The following ZNF469 variants were observed in gnomAD, a reference collection of about 807,000 sequenced individuals.
ZNF469 encodes zinc finger protein 469.
In ZNF469, 1 loss-of-function variant was observed where a neutral mutation model predicts 1.0. The observed-to-expected ratio is 1.00, with a 90% CI of 0.35 to 4.73. The LOEUF (loss-of-function observed/expected upper bound fraction) is 4.73. Among genes scored for constraint, ZNF469 ranks in the 30% most tolerant of loss-of-function variants. ZNF469 has a pLI of 0.16. For synonymous variants in ZNF469, 2,703 were observed against 2,363.4 expected (o/e 1.14, Z -4.17); for missense variants, 6,100 against 5,356.3 (o/e 1.14, Z -4.33).
chr16:88,401,933 TAGATA>T (rs1904888035), intron 1 of ZNF469, among the ~76,000 whole-genome samples: 1 of 22,590 alleles, frequency 4.4e-5, no homozygotes, highest in Non-Finnish European at 1.1e-4. Context: ...GATGGATGGA[TAGATA>T]CGTGGGTGGA....
the ZNF469 span, among the ~76,000 whole-genome samples, chr16:88,263,676 A>C: frequency 2.6e-5 from 4 of 152,242 alleles, no homozygotes; most frequent in Admixed American, 6.5e-5. Flanking sequence ...CGGGGGGTCC[A>C]GAGTCGCCAG....
At chr16:88,115,936 CG>C in the ZNF469 span, among the ~76,000 whole-genome samples, 4 of 152,200 alleles carry the variant, frequency 2.6e-5, no homozygotes, top group Non-Finnish European at 5.9e-5. Flanking sequence ...AACCCTGCCC[CG>C]CCCATCTCCC....
chr16:88,320,246 C>T, the ZNF469 span, among the ~76,000 whole-genome samples: 8 of 152,250 alleles, frequency 5.3e-5, no homozygotes, highest in African/African-American at 1.7e-4. Flanking sequence ...TAAATGTCAT[C>T]TTCAGAATGT....
At chr16:88,316,426 G>C in the ZNF469 span, among the ~76,000 whole-genome samples, 563 of 152,202 alleles carry the variant, frequency 3.7e-3, 4 homozygotes, top group African/African-American at 0.013. Context: ...CACTCCTTCC[G>C]GGGTTTTCAT....
chr16:88,244,248 G>A, the ZNF469 span, among the ~76,000 whole-genome samples: 1 of 149,906 alleles, frequency 6.7e-6, no homozygotes, highest in African/African-American at 2.5e-5. Context: ...GGTTTGGGAG[G>A]GTGAATGCAT....
chr16:88,366,571 A>G, the ZNF469 span, among the ~76,000 whole-genome samples: 8 of 47,110 alleles, frequency 1.7e-4, no homozygotes, highest in Admixed American at 2.0e-3. Flanking sequence ...TATCACCTCC[A>G]TCATCACCTT....
chr16:88,209,633 C>G, the ZNF469 span, among the ~76,000 whole-genome samples: 1 of 152,136 alleles, frequency 6.6e-6, no homozygotes, highest in Non-Finnish European at 1.5e-5. Flanking sequence ...TTTTATTTCC[C>G]CTTTCTTTTA....
intron 1 of ZNF469, among the ~76,000 whole-genome samples, chr16:88,394,753 G>T (rs1476166195): frequency 6.6e-6 from 1 of 152,206 alleles, no homozygotes; most frequent in East Asian, 1.9e-4. Context: ...GGGAACAGGG[G>T]GCTCAGGGCC....
At chr16:88,372,792 C>A in the ZNF469 span, among the ~76,000 whole-genome samples, 4 of 151,144 alleles carry the variant, frequency 2.6e-5, no homozygotes, top group Non-Finnish European at 5.9e-5. Flanking sequence ...ACCATCATCA[C>A]CATCACCACC....
rs777429612 is a variant in ZNF469, at chr16:88,438,326, T to C, written c.10856T>C (p.Val3619Ala). 9.7e-6 allele frequency: 15 copies of C among 1,550,092 alleles called. 1 individual carries two copies. In the South Asian group the frequency reaches 1.8e-4, roughly 18 times the overall value. ...GCGGAGGGAAAGAGGGCTCCTCTCG[T>C]GTTCTCAGGGAAACGCAGGGCCCCG... ...QDAEGKRAPL[V>A]FSGKRRAPGA... is the part of the protein sequence containing the mutation. The change falls in exon 3 of 3, where the codon GTG becomes GCG. Residue 3619 changes from valine to alanine, a missense_variant. By Grantham distance (64) the Val-to-Ala change is moderately conservative. Coordinates refer to ENST00000565624, the MANE Select transcript of ZNF469 (RefSeq NM_001367624.2).
chr16:88,388,404 G>T lies in ZNF469; in HGVS notation c.-192+5150G>T, dbSNP rs150045987. 5.7e-3 allele frequency among the ~76,000 whole-genome samples: 876 copies of T among 152,376 alleles called. 6 individuals are homozygous for T. Among genetic ancestry groups the T allele is most frequent in the Admixed American group, 8.4e-3 (128 of 15,314 alleles). On this transcript the variant is annotated intron_variant, in intron 1 of 2. Transcript: ENST00000565624. ...AGCAGCCATTGAGGCTTTCCTACCG[G>T]CCGGGCACGGCAGCCGCCTGCAGAA...
At chr16:88,213,050 G>A in the ZNF469 span, among the ~76,000 whole-genome samples, 5 of 151,986 alleles carry the variant, frequency 3.3e-5, no homozygotes, top group Non-Finnish European at 5.9e-5. Flanking sequence ...TGTTGATACT[G>A]GGGGTGGTAA....
the ZNF469 span, among the ~76,000 whole-genome samples, chr16:88,242,584 G>T: frequency 6.6e-6 from 1 of 152,244 alleles, no homozygotes; most frequent in Non-Finnish European, 1.5e-5. Context: ...GGCCCTGGGG[G>T]TTAGGACTTC....
At position 88,436,051 on chromosome 16, in the gene ZNF469, C is replaced by T; in HGVS notation, c.8581C>T (p.Gln2861Ter). ...SLFDDEVSFS[Q>*]LFPPGGRLTR... ...GTTTGATGATGAGGTCTCTTTCTCCCAGCTCTTCCCTCCAGGCGGTCGCTT... is the reference window on the plus strand; with the variant it reads ...GTTTGATGATGAGGTCTCTTTCTCCTAGCTCTTCCCTCCAGGCGGTCGCTT... Residue 2861 changes from glutamine (Q) to a stop codon, truncating the protein, a stop_gained, in exon 3 of 3, where the codon CAG becomes TAG. Coordinates refer to ENST00000565624, the MANE Select transcript of ZNF469 (RefSeq NM_001367624.2). LOFTEE classifies it low-confidence loss of function (END_TRUNC). 6.5e-7 allele frequency: 1 copy of T among 1,550,284 alleles called. No homozygotes were observed. Among genetic ancestry groups the T allele is most frequent in the Non-Finnish European group, 8.7e-7 (1 of 1,146,988 alleles).
chr16:88,382,881 G>T (rs2092528726), upstream of ZNF469, among the ~76,000 whole-genome samples: 1 of 151,512 alleles, frequency 6.6e-6, no homozygotes, highest in Non-Finnish European at 1.5e-5. Context: ...CCTAGGAAAA[G>T]CGGCGCTAAA....
Position 88,429,337 on chromosome 16 carries a change from A to T in ZNF469, c.1867A>T (p.Ser623Cys). Residue 623 changes from serine to cysteine, a missense_variant, in exon 3 of 3, where the codon AGC becomes TGC. Coordinates refer to ENST00000565624, the MANE Select transcript of ZNF469 (RefSeq NM_001367624.2). Reference sequence around the variant, plus strand: ...CCCAGCCAACCCCAGCTCAGAGGAAAGCCAGCTCCCCGGCCCCCTCGGGCC... The same window carrying T: ...CCCAGCCAACCCCAGCTCAGAGGAATGCCAGCTCCCCGGCCCCCTCGGGCC... ...SSPANPSSEE[S>C]QLPGPLGPSA... The T allele has an allele frequency of 6.5e-7, 1 of 1,549,914 alleles. No homozygotes were observed. The highest frequency in any genetic ancestry group is 8.7e-7 in the Non-Finnish European group (1 of 1,146,832).
the ZNF469 span, among the ~76,000 whole-genome samples, chr16:88,188,769 CT>C: frequency 6.6e-6 from 1 of 152,188 alleles, no homozygotes; most frequent in Non-Finnish European, 1.5e-5. Flanking sequence ...GACCCTCCCC[CT>C]GCCCAGATCC....
At chr16:88,218,436 C>G in the ZNF469 span, among the ~76,000 whole-genome samples, 1 of 151,344 alleles carries the variant, frequency 6.6e-6, no homozygotes, top group Non-Finnish European at 1.5e-5. Context: ...TGCAGAAGCT[C>G]TTTAGTTTAA....
chr16:88,421,531 G>A (rs1298787260), intron 1 of ZNF469, among the ~76,000 whole-genome samples: 1 of 152,206 alleles, frequency 6.6e-6, no homozygotes, highest in East Asian at 1.9e-4. Context: ...CCGAGCCCCT[G>A]GAGGGACAGC....
Sources: gnomAD v4.1 joint callset for allele counts (sites outside exome capture counted in the v4.1 genomes callset) on GRCh38, gnomAD v4.1.1 for gene constraint, MANE v1.5 for transcripts, NCBI Gene and HGNC (gene_info 2026-07-23, HGNC 2026-07-21) for gene names.